CDKN2B-AS1: variants seen among roughly 807,000 people sequenced by gnomAD.
CDKN2B-AS1 encodes CDKN2B and CDKN2A antisense cis and trans regulatory RNA 1.
chr9:22,091,536 C>A (rs1825084390), intron 4 of CDKN2B-AS1, among the ~76,000 whole-genome samples: 1 of 152,236 alleles, frequency 6.6e-6, no homozygotes, highest in South Asian at 2.1e-4. Context: ...TTGAAGAGGT[C>A]CTTCACATCC....
chr9:22,028,014 T>C lies in CDKN2B-AS1; in HGVS notation n.30-18737T>C, dbSNP rs566957117. ...ATCAATATCTTCATCAATATCTTCATTCAGACTCATCTAGATTAGATTACT... is the reference window on the plus strand; with the variant it reads ...ATCAATATCTTCATCAATATCTTCACTCAGACTCATCTAGATTAGATTACT... On this transcript the variant is annotated intron_variant and non_coding_transcript_variant, in intron 1 of 4. Transcript: ENST00000650946. Among the ~76,000 whole-genome samples the C allele has an allele frequency of 3.3e-5, 5 of 152,268 alleles. No homozygotes were observed. In the South Asian group the frequency reaches 8.3e-4, roughly 25 times the overall value.
At chr9:22,076,767 A>C (rs1824509814) in intron 4 of CDKN2B-AS1, among the ~76,000 whole-genome samples, 1 of 152,178 alleles carries the variant, frequency 6.6e-6, no homozygotes, top group South Asian at 2.1e-4. Flanking sequence ...ATCTTGGCTC[A>C]CTGCAACCTC....
Position 21,999,778 on chromosome 9 carries a change from TG to T in CDKN2B-AS1, n.29+4618del, listed in dbSNP as rs1408668590. Among the ~76,000 whole-genome samples the T allele has an allele frequency of 6.6e-6, 1 of 152,104 alleles. No individual in the cohort carries two copies. Among genetic ancestry groups the T allele is most frequent in the Non-Finnish European group, 1.5e-5 (1 of 67,988 alleles). On this transcript the variant is annotated intron_variant and non_coding_transcript_variant, in intron 1 of 4. Coordinates refer to ENST00000650946, the Ensembl canonical transcript of CDKN2B-AS1. The surrounding 1 kb of genome is among the most constrained non-coding windows in gnomAD (Gnocchi z 4.7). ...GCTCATTCATAAAATAATAAAACTG[TG>T]CATCCATAAACAATAATGAAGCACA...
In CDKN2B-AS1 at chr9:22,009,138, C is replaced by T. The variant is rs1036312624; in HGVS notation, n.29+13977C>T. 6.5e-6 allele frequency: 5 copies of T among 770,936 alleles called. No individual in the cohort carries two copies. In the South Asian group the frequency reaches 7.0e-5, roughly 11 times the overall value. The allele number at this position is 770,936 out of a possible 1,614,324, so 47.8% of individuals were successfully genotyped here. The stretch of plus-strand genomic sequence containing the variant: ...GGGCCCCGTGCAGTGGCCGAGCGGC[C>T]GGTCGTTAGCTCCGGGCTTTTCCTG... On this transcript the variant is annotated intron_variant and non_coding_transcript_variant, in intron 1 of 4. Transcript: ENST00000650946.
chr9:22,008,877 A>G, intron 1 of CDKN2B-AS1: 5 of 1,612,368 alleles, frequency 3.1e-6, no homozygotes, highest in Non-Finnish European at 4.2e-6. Flanking sequence ...CTTCTCCACT[A>G]GTCCCCGCGC....
At chr9:22,029,491 G>A (rs766104207) in intron 1 of CDKN2B-AS1, 8 of 779,456 alleles carry the variant, frequency 1.0e-5, no homozygotes, top group Non-Finnish European at 1.9e-5. Context: ...TCCATGCTGT[G>A]ATGATTCCTC....
At chr9:22,086,449 C>T (rs1178998503) in intron 4 of CDKN2B-AS1, among the ~76,000 whole-genome samples, 2 of 152,158 alleles carry the variant, frequency 1.3e-5, no homozygotes, top group Non-Finnish European at 2.9e-5. Context: ...CAGATTAAAA[C>T]ATTTACAAGT....
Position 21,995,525 on chromosome 9 carries a change from T to G in CDKN2B-AS1, n.29+364T>G, listed in dbSNP as rs1311398478. 6.6e-6 allele frequency: 1 copy of G among 152,548 alleles called. No homozygotes were observed. Among genetic ancestry groups the G allele is most frequent in the East Asian group, 1.9e-4 (1 of 5,198 alleles). The allele number at this position is 152,548 out of a possible 1,614,324, so 9.4% of individuals were successfully genotyped here. A position where few individuals can be genotyped will look rare whatever the true frequency, so the allele number is the denominator to read the frequency against. ...CTCGGCGTACGTTCTCTCTCCGGTC[T>G]CCCCCTCCATGTCCCCTCCTCCCCT... is the stretch of plus-strand genomic sequence containing the variant. On this transcript the variant is annotated intron_variant and non_coding_transcript_variant, in intron 1 of 4. Coordinates refer to ENST00000650946, the Ensembl canonical transcript of CDKN2B-AS1. The surrounding 1 kb of genome is among the most constrained non-coding windows in gnomAD (Gnocchi z 5.7).
intron 1 of CDKN2B-AS1, chr9:22,008,587 C>G: frequency 7.0e-7 from 1 of 1,419,008 alleles, no homozygotes; most frequent in Non-Finnish European, 9.5e-7. Flanking sequence ...ACAAAAACCA[C>G]TAAAAAAAGC....
chr9:22,068,610 C>T (rs756679799), intron 4 of CDKN2B-AS1, among the ~76,000 whole-genome samples: 2 of 152,102 alleles, frequency 1.3e-5, no homozygotes, highest in Admixed American at 6.6e-5. Context: ...GAACTCTTTT[C>T]CAGTGACGTA....
At chr9:22,128,065 A>T (rs1818041465) in exon 5 of CDKN2B-AS1, among the ~76,000 whole-genome samples, 1 of 152,234 alleles carries the variant, frequency 6.6e-6, no homozygotes. Context: ...GACTAGATAT[A>T]ATATTAAAAC....
chr9:22,040,027 A>G (rs1400784216), intron 1 of CDKN2B-AS1, among the ~76,000 whole-genome samples: 6 of 152,082 alleles, frequency 3.9e-5, no homozygotes, highest in African/African-American at 1.4e-4. Context: ...AATTAACAGA[A>G]GCTACGGAAG....
chr9:22,128,096 A>T (rs1459117106), exon 5 of CDKN2B-AS1, among the ~76,000 whole-genome samples: 2 of 152,206 alleles, frequency 1.3e-5, no homozygotes, highest in East Asian at 3.8e-4. Context: ...CCTATGCATT[A>T]TATTGGATCA....
chr9:22,095,350 C>A (rs1825236582), intron 4 of CDKN2B-AS1, among the ~76,000 whole-genome samples: 1 of 144,674 alleles, frequency 6.9e-6, no homozygotes, highest in East Asian at 2.0e-4. Context: ...TTGTTATGTA[C>A]CCAGTAGTCA....
intron 1 of CDKN2B-AS1, among the ~76,000 whole-genome samples, chr9:22,010,000 A>T (rs1236652745): frequency 6.6e-6 from 1 of 152,180 alleles, no homozygotes; most frequent in Non-Finnish European, 1.5e-5. Context: ...AAAAAAAATT[A>T]TACTTTAAGA....
chr9:22,001,003 TTTTTAGCCAAGACTAAAAGG>T lies in CDKN2B-AS1; in HGVS notation n.29+5854_29+5873del, dbSNP rs1046917382. 6.6e-6 allele frequency among the ~76,000 whole-genome samples: 1 copy of T among 152,094 alleles called. No homozygotes were observed. Among genetic ancestry groups the T allele is most frequent in the African/African-American group, 2.4e-5 (1 of 41,428 alleles). On this transcript the variant is annotated intron_variant and non_coding_transcript_variant, in intron 1 of 4. Transcript: ENST00000650946. The surrounding 1 kb of genome is among the most constrained non-coding windows in gnomAD (Gnocchi z 4.2). ...GAATGGAATTATCAGGGAGACCCAG[TTTTTAGCCAAGACTAAAAGG>T]TTTTAGCCAAGGGGATGGAAGAATT...
chr9:22,125,750 G>T (rs550267125), intron 4 of CDKN2B-AS1, among the ~76,000 whole-genome samples: 1 of 152,034 alleles, frequency 6.6e-6, no homozygotes, highest in East Asian at 1.9e-4. Context: ...TGTTCACTGT[G>T]GTATTGCGCT....
chr9:22,074,939 T>C (rs535076479), intron 4 of CDKN2B-AS1, among the ~76,000 whole-genome samples: 2 of 152,368 alleles, frequency 1.3e-5, no homozygotes, highest in East Asian at 1.9e-4. Flanking sequence ...TGAATGAGTA[T>C]ACCATTGGTG....
rs575479146 is a variant in CDKN2B-AS1, at chr9:22,094,435, C to T, written n.439-32668C>T. 1.7e-4 allele frequency among the ~76,000 whole-genome samples: 24 copies of T among 144,542 alleles called. 2 individuals are homozygous for T. In the South Asian group the frequency reaches 4.0e-3, roughly 24 times the overall value. 94.8% of individuals were successfully genotyped at this position (144,542 alleles called of 152,430 possible). ...TGTTTTCCAACTTGGTTCCATTCTG[C>T]CCGTCACTTTCAGGTACTCCAATCA... On this transcript the variant is annotated intron_variant and non_coding_transcript_variant, in intron 4 of 4. Coordinates refer to ENST00000650946, the Ensembl canonical transcript of CDKN2B-AS1.
Sources: allele counts gnomAD v4.1 joint callset (sites outside exome capture counted in the v4.1 genomes callset), GRCh38; gene constraint gnomAD v4.1.1; non-coding constraint Gnocchi (gnomAD v3.1); transcripts MANE v1.5; gene names NCBI Gene and HGNC (gene_info 2026-07-23, HGNC 2026-07-21).